Variants in TOR1AIP1 observed in about 807,000 individuals in gnomAD.
TOR1AIP1 encodes torsin 1A interacting protein 1.
TOR1AIP1 carries 54 observed loss-of-function variants against 63.3 expected under a neutral mutation model. The ratio of observed to expected loss-of-function variants is 0.85; its 90% CI spans 0.69 to 1.07. The LOEUF is 1.07. Among genes scored for constraint, TOR1AIP1 ranks in the 50% least tolerant of loss-of-function variants. The pLI is 0.00. For synonymous variants in TOR1AIP1, 294 were observed against 273.5 expected (o/e 1.07, Z -0.74); for missense variants, 736 against 715.0 (o/e 1.03, Z -0.33).
intron 1 of TOR1AIP1, chr1:179,883,826 G>GC (rs199863731): frequency 0.012 from 4,038 of 333,302 alleles, 133 homozygotes; most frequent in African/African-American, 0.081. Flanking sequence ...CTCCCACCCT[G>GC]CCCCCCCCAT....
intron 3 of TOR1AIP1, among the ~76,000 whole-genome samples, chr1:179,895,313 A>T (rs2148474561): frequency 6.6e-6 from 1 of 152,282 alleles, no homozygotes; most frequent in Non-Finnish European, 1.5e-5. Flanking sequence ...TACCTTTTTT[A>T]AAAAAGTATT....
intron 5 of TOR1AIP1, among the ~76,000 whole-genome samples, chr1:179,903,601 G>T (rs963018280): frequency 1.3e-5 from 2 of 151,470 alleles, no homozygotes; most frequent in Middle Eastern, 3.4e-3. Context: ...CTGTCTCCCT[G>T]GTTCAAGCAG....
rs187879154 is a variant in TOR1AIP1, at chr1:179,913,232, G to A, written c.908-766G>A. On this transcript the variant is annotated intron_variant, in intron 8 of 9. Coordinates refer to ENST00000606911, the MANE Select transcript of TOR1AIP1 (RefSeq NM_015602.4). ...TGTCACCTCAGCCTCTTGATTTGTC[G>A]GAATTACAGGCATGAACCACTGTGC... 1.9e-4 allele frequency among the ~76,000 whole-genome samples: 29 copies of A among 151,122 alleles called. No homozygotes were observed. In the East Asian group the frequency reaches 2.7e-3, roughly 14 times the overall value.
Position 179,907,823 on chromosome 1 carries a change from G to A in TOR1AIP1, c.797G>A (p.Ser266Asn), listed in dbSNP as rs1300390617. The A allele has an allele frequency of 6.3e-7, 1 of 1,584,696 alleles. No homozygotes were observed. Among genetic ancestry groups the A allele is most frequent in the Non-Finnish European group, 8.6e-7 (1 of 1,165,090 alleles). ...ACCTTATCCCTGTTTTCTGTTTCAG[G>A]TCAAAACTTCACAGCTCATGATAAG... ...YIESFWQSSQ[S>N]QNFTAHDKQP... is the part of the protein sequence containing the mutation. Residue 266 changes from serine to asparagine, a missense_variant and splice_region_variant, in exon 7 of 10, where the codon AGT becomes AAT. Ser to Asn is a conservative substitution (Grantham distance 46). Around this residue, in one of 2 missense-constraint regions of TOR1AIP1, gnomAD observed 464 missense variants for 371.0 expected, o/e 1.25. Coordinates refer to ENST00000606911, the MANE Select transcript of TOR1AIP1 (RefSeq NM_015602.4).
At chr1:179,911,637 G>C (rs1159851142) in intron 8 of TOR1AIP1, among the ~76,000 whole-genome samples, 1 of 152,220 alleles carries the variant, frequency 6.6e-6, no homozygotes, top group Non-Finnish European at 1.5e-5. Context: ...ATAGAGAAAA[G>C]AAGACAATTT....
intron 4 of TOR1AIP1, 113 bp from the exon 5 acceptor site, chr1:179,901,189 C>T: frequency 1.7e-6 from 1 of 578,718 alleles, no homozygotes. Context: ...AGTTCTATAT[C>T]TGATAACTTA....
chr1:179,908,761 T>G, intron 8 of TOR1AIP1, 88 bp downstream of exon 8: 1 of 1,125,468 alleles, frequency 8.9e-7, no homozygotes, highest in Non-Finnish European at 1.3e-6. Flanking sequence ...CAGATAAACA[T>G]TTAGGTTGTT....
At chr1:179,884,912 G>A (rs1647869578) in intron 2 of TOR1AIP1, 143 bp downstream of exon 2, 1 of 555,440 alleles carries the variant, frequency 1.8e-6, no homozygotes, top group Non-Finnish European at 3.1e-6. Flanking sequence ...ATATAACCTT[G>A]TAAGATAGGT....
intron 2 of TOR1AIP1, among the ~76,000 whole-genome samples, chr1:179,887,122 C>T (rs1177355265): frequency 6.6e-6 from 1 of 152,102 alleles, no homozygotes; most frequent in African/African-American, 2.4e-5. Context: ...GACCTAGGCC[C>T]GGCATGGTGG....
rs1262516640 is a variant in TOR1AIP1 at position 179,918,078 on chromosome 1, AAAGT to A, written c.1595_1598del (p.Val532GlufsTer25). On this transcript the variant is annotated frameshift_variant, in exon 10 of 10. Coordinates refer to ENST00000606911, the MANE Select transcript of TOR1AIP1 (RefSeq NM_015602.4). LOFTEE classifies it high-confidence loss of function. ...TCTAGGCCTAAAGGAAGTTGAAGAA[AAAGT>A]AAGAGATTTTCTTAAAGTCAAGTTC... The A allele has an allele frequency of 6.2e-7, 1 of 1,614,122 alleles. No individual in the cohort carries two copies. Among genetic ancestry groups the A allele is most frequent in the Non-Finnish European group, 8.5e-7 (1 of 1,180,054 alleles).
At chr1:179,908,219 A>C (rs1001820710) in intron 7 of TOR1AIP1, among the ~76,000 whole-genome samples, 1 of 151,926 alleles carries the variant, frequency 6.6e-6, no homozygotes, top group African/African-American at 2.4e-5. Flanking sequence ...CAGTCAATCA[A>C]TTCTAACCTT....
intron 8 of TOR1AIP1, among the ~76,000 whole-genome samples, chr1:179,909,416 T>C (rs889501288): frequency 7.1e-6 from 1 of 140,342 alleles, no homozygotes; most frequent in East Asian, 2.0e-4. Context: ...TTGTTTTGTT[T>C]TGTTTTGTTT....
chr1:179,912,973 A>G (rs1230975599), intron 8 of TOR1AIP1, among the ~76,000 whole-genome samples: 1 of 152,170 alleles, frequency 6.6e-6, no homozygotes, highest in Non-Finnish European at 1.5e-5. Context: ...AATACTGGTA[A>G]TATAGGTCAT....
Position 179,905,246 on chromosome 1 carries a change from G to A in TOR1AIP1, c.796+1224G>A, listed in dbSNP as rs185781879. 7.8e-3 allele frequency among the ~76,000 whole-genome samples: 1,188 copies of A among 152,110 alleles called. 6 individuals carry two copies. Among genetic ancestry groups the A allele is most frequent in the Non-Finnish European group, 0.01 (681 of 67,994 alleles). ...AAAAATTAGCTGGGCGTGGTGGCGC[G>A]TGCCTGTAGTCCCAGCTACTCGGGA... On this transcript the variant is annotated intron_variant, in intron 6 of 9. Transcript: ENST00000606911.
rs1008092722 is a variant in TOR1AIP1 at position 179,882,328 on chromosome 1, G to A, written c.-175G>A. 7.3e-6 allele frequency: 4 copies of A among 546,534 alleles called. No individual in the cohort carries two copies. The highest frequency in any genetic ancestry group is 1.2e-5 in the Non-Finnish European group (4 of 336,160). 33.9% of individuals were successfully genotyped at this position (546,534 alleles called of 1,614,324 possible). A position where few individuals can be genotyped will look rare whatever the true frequency, so the allele number is the denominator to read the frequency against. ...CTCAAGACACACCATGGGCCCAGAG[G>A]CAGGTTTGCTACACAGCAGCGACGA... On this transcript the variant is annotated 5_prime_UTR_variant, in exon 1 of 10. Transcript: ENST00000606911.
At chr1:179,896,590 T>C (rs889973211) in intron 3 of TOR1AIP1, among the ~76,000 whole-genome samples, 1 of 151,918 alleles carries the variant, frequency 6.6e-6, no homozygotes, top group Non-Finnish European at 1.5e-5. Context: ...GTCTGCGGGA[T>C]CCTAGACGAG....
chr1:179,898,741 A>T (rs1044763009), intron 3 of TOR1AIP1, among the ~76,000 whole-genome samples: 5 of 151,958 alleles, frequency 3.3e-5, no homozygotes, highest in African/African-American at 1.2e-4. Flanking sequence ...TTAAAATCTT[A>T]AAAAAAATTT....
chr1:179,883,990 A>G (rs1647828330), intron 1 of TOR1AIP1: 1 of 213,130 alleles, frequency 4.7e-6, no homozygotes, highest in South Asian at 6.2e-5. Context: ...AGCTTAGAGC[A>G]CGGTGATAGG....
chr1:179,915,758 A>C (rs751413109), intron 9 of TOR1AIP1, among the ~76,000 whole-genome samples: 1 of 152,178 alleles, frequency 6.6e-6, no homozygotes, highest in Non-Finnish European at 1.5e-5. Context: ...ACTCCATCTC[A>C]GAAAAAAAAA....
Sources: allele counts gnomAD v4.1 joint callset (sites outside exome capture counted in the v4.1 genomes callset), GRCh38; gene constraint gnomAD v4.1.1; regional missense constraint gnomAD v4.1.1; transcripts MANE v1.5; gene names NCBI Gene and HGNC (gene_info 2026-07-23, HGNC 2026-07-21).